The following CPA6 variants were observed in gnomAD, a reference collection of about 807,000 sequenced individuals.
The protein encoded by CPA6 is carboxypeptidase B.
A neutral mutation model predicts 63.3 loss-of-function variants in CPA6; 58 were observed. The observed-to-expected ratio is 0.92, with a 90% CI of 0.74 to 1.14. The LOEUF (loss-of-function observed/expected upper bound fraction) is 1.14. CPA6 is among the 50% of genes most tolerant of loss of function. CPA6 has a pLI of 0.00. For synonymous variants in CPA6, 185 were observed against 179.0 expected, an observed-to-expected ratio of 1.03 and a Z score of -0.27; for missense variants, 565 against 526.6, an observed-to-expected ratio of 1.07 and a Z score of -0.71.
chr8:67,519,287 G>T (rs922582664), intron 2 of CPA6, among the ~76,000 whole-genome samples: 1 of 152,158 alleles, frequency 6.6e-6, no homozygotes, highest in African/African-American at 2.4e-5. Context: ...CTCTGCAGGA[G>T]TTTGGAGCAT....
At chr8:67,739,565 G>A (rs1207931622) in intron 1 of CPA6, among the ~76,000 whole-genome samples, 1 of 152,118 alleles carries the variant, frequency 6.6e-6, no homozygotes, top group Non-Finnish European at 1.5e-5. Context: ...GAGCTGACAT[G>A]GCCCTTTCCT....
intron 1 of CPA6, among the ~76,000 whole-genome samples, chr8:67,661,898 T>G (rs1010343736): frequency 4.6e-5 from 7 of 152,246 alleles, no homozygotes; most frequent in African/African-American, 1.7e-4. Context: ...TCACGTAGCA[T>G]AATGTCTTTA....
rs749963064 is a variant in CPA6, at chr8:67,545,716, C to T, written c.193-27669G>A. On this transcript the variant is annotated intron_variant, in intron 2 of 10. Transcript: ENST00000297770. ...TAGCTGGGAGAACAGGCATGTGCCA[C>T]CACGCCCAGCTAATTTTTGTATTTT... 2.6e-4 allele frequency among the ~76,000 whole-genome samples: 39 copies of T among 152,116 alleles called. 2 individuals are homozygous for T. The highest frequency in any genetic ancestry group is 1.6e-3 in the Admixed American group (24 of 15,276).
At chr8:67,470,101 C>G (rs1009628210) in intron 8 of CPA6, among the ~76,000 whole-genome samples, 11 of 150,532 alleles carry the variant, frequency 7.3e-5, no homozygotes, top group Admixed American at 2.0e-4. Flanking sequence ...GATCTTGGCT[C>G]ACTGCAACGT....
chr8:67,593,558 T>C (rs183979420), intron 2 of CPA6, among the ~76,000 whole-genome samples: 2 of 152,340 alleles, frequency 1.3e-5, no homozygotes, highest in East Asian at 3.9e-4. Context: ...ACTTTATGAA[T>C]CTGGGTGCTC....
chr8:67,651,731 A>AT (rs200618980), intron 1 of CPA6, among the ~76,000 whole-genome samples: 29 of 151,944 alleles, frequency 1.9e-4, no homozygotes, highest in South Asian at 6.2e-4. Context: ...GAGCTATTCT[A>AT]TTTTTTTTTA....
intron 9 of CPA6, among the ~76,000 whole-genome samples, 185 bp downstream of exon 9, chr8:67,433,853 A>G (rs1347209360): frequency 2.0e-5 from 3 of 152,218 alleles, no homozygotes; most frequent in Non-Finnish European, 4.4e-5. Context: ...CTTTACCTGT[A>G]AAGTGGGGAT....
At chr8:67,588,133 T>A (rs905521593) in intron 2 of CPA6, among the ~76,000 whole-genome samples, 54 of 152,232 alleles carry the variant, frequency 3.5e-4, no homozygotes, top group African/African-American at 1.3e-3. Flanking sequence ...TTGGTGTAAA[T>A]GAATGGTGTG....
intron 6 of CPA6, among the ~76,000 whole-genome samples, chr8:67,487,502 G>A (rs183121984): frequency 1.4e-4 from 22 of 152,202 alleles, no homozygotes; most frequent in Admixed American, 3.9e-4. Flanking sequence ...GAATAGTGCC[G>A]CAATAAACAT....
At chr8:67,446,356 A>G (rs1810416753) in intron 8 of CPA6, among the ~76,000 whole-genome samples, 1 of 152,012 alleles carries the variant, frequency 6.6e-6, no homozygotes, top group South Asian at 2.1e-4. Context: ...GAGTCTCGAT[A>G]TCTCGTCCAG....
rs1356754512 is a variant in CPA6, at chr8:67,629,206, AC to A, written c.117-4956del. ...CCCATAGCTGGGTGTGGTGACTCAT[AC>A]CTGCAATTCCAGAACTTGGGAGGCT... On this transcript the variant is annotated intron_variant, in intron 1 of 10. Transcript: ENST00000297770. Among the ~76,000 whole-genome samples, 12 of 152,248 alleles carry A rather than the reference AC, an allele frequency of 7.9e-5. No individual in the cohort carries two copies. In the East Asian group the frequency reaches 1.7e-3, roughly 22 times the overall value.
chr8:67,426,437 T>C (rs1467633009), intron 10 of CPA6, among the ~76,000 whole-genome samples: 2 of 151,270 alleles, frequency 1.3e-5, no homozygotes, highest in African/African-American at 4.9e-5. Context: ...ATTGTTTAAA[T>C]ACAGTTTTTT....
At chr8:67,486,492 CACA>C (rs1221599093) in intron 6 of CPA6, among the ~76,000 whole-genome samples, 2 of 152,180 alleles carry the variant, frequency 1.3e-5, no homozygotes, top group East Asian at 3.9e-4. Context: ...ATGATGTTCA[CACA>C]ATGATGAAAT....
At chr8:67,522,554 G>A (rs186381912) in intron 2 of CPA6, among the ~76,000 whole-genome samples, 1 of 152,338 alleles carries the variant, frequency 6.6e-6, no homozygotes, top group South Asian at 2.1e-4. Context: ...CATTCTCTGA[G>A]CTGCGAGGCG....
At chr8:67,665,743 TA>T (rs1816212903) in intron 1 of CPA6, among the ~76,000 whole-genome samples, 1 of 152,180 alleles carries the variant, frequency 6.6e-6, no homozygotes. Flanking sequence ...ATGCAGGCAA[TA>T]AAGTTTGAGC....
intron 1 of CPA6, among the ~76,000 whole-genome samples, chr8:67,715,183 G>T (rs1435759231): frequency 6.6e-6 from 1 of 152,086 alleles, no homozygotes; most frequent in Admixed American, 6.5e-5. Context: ...TGACTACCCA[G>T]AGTTAGCTCA....
chr8:67,455,231 A>C (rs1810644598), intron 8 of CPA6, among the ~76,000 whole-genome samples: 1 of 152,168 alleles, frequency 6.6e-6, no homozygotes, highest in Non-Finnish European at 1.5e-5. Context: ...CTCCAGTTAC[A>C]ACTGCATCAC....
At chr8:67,729,974 C>A (rs1166407467) in intron 1 of CPA6, among the ~76,000 whole-genome samples, 4 of 152,214 alleles carry the variant, frequency 2.6e-5, no homozygotes, top group Admixed American at 1.3e-4. Flanking sequence ...ACTGTTTTCT[C>A]CTGCTACACT....
In CPA6 at chr8:67,534,481, A is replaced by C. The variant is rs55786902; in HGVS notation, c.193-16434T>G. 6.0e-3 allele frequency among the ~76,000 whole-genome samples: 910 copies of C among 152,280 alleles called. 8 individuals are homozygous for C. Among genetic ancestry groups the C allele is most frequent in the Middle Eastern group, 0.01 (3 of 294 alleles). The stretch of plus-strand genomic sequence containing the variant: ...TACAGTTCTTTTCCTGATACCTCCC[A>C]ACTGTTGTAAATTGGTTATCAACCT... On this transcript the variant is annotated intron_variant, in intron 2 of 10. Transcript: ENST00000297770.
Sources: gnomAD v4.1 joint callset for allele counts (sites outside exome capture counted in the v4.1 genomes callset) on GRCh38, gnomAD v4.1.1 for gene constraint, MANE v1.5 for transcripts, NCBI Gene and HGNC (gene_info 2026-07-23, HGNC 2026-07-21) for gene names.